CREB5: variants seen among roughly 807,000 people sequenced by gnomAD.
The protein encoded by CREB5 is cAMP responsive element binding protein 5.
Under a neutral mutation model 57.1 loss-of-function variants are expected in CREB5, and 19 were observed. The observed-to-expected ratio is 0.33, with a 90% confidence interval of 0.23 to 0.49. The LOEUF (loss-of-function observed/expected upper bound fraction) is 0.49. Among genes scored for constraint, CREB5 ranks in the 20% least tolerant of loss-of-function variants. CREB5 has a pLI of 0.99. For missense variants in CREB5, 579 were observed against 671.6 expected, an observed-to-expected ratio of 0.86 and a Z score of 1.52; for synonymous variants, 238 against 238.3, an observed-to-expected ratio of 1.00 and a Z score of 0.01.
intron 5 of CREB5, among the ~76,000 whole-genome samples, chr7:28,711,397 T>C (rs1802392516): frequency 6.6e-6 from 1 of 152,212 alleles, no homozygotes; most frequent in South Asian, 2.1e-4. Flanking sequence ...TTTGATGCCT[T>C]TTCTAAGGCT....
chr7:28,796,458 C>T (rs977812404), intron 7 of CREB5, among the ~76,000 whole-genome samples: 10 of 152,220 alleles, frequency 6.6e-5, no homozygotes, highest in Admixed American at 2.0e-4. Context: ...ACTCCTCCCT[C>T]ATCCACAAAA....
At chr7:28,804,969 G>C (rs1808621745) in intron 8 of CREB5, among the ~76,000 whole-genome samples, 1 of 152,188 alleles carries the variant, frequency 6.6e-6, no homozygotes, top group African/African-American at 2.4e-5. Context: ...TAAAATGGAA[G>C]TTAAATACAA....
intron 1 of CREB5, among the ~76,000 whole-genome samples, chr7:28,333,562 T>C (rs1486137631): frequency 1.3e-5 from 2 of 152,186 alleles, no homozygotes; most frequent in Admixed American, 6.5e-5. Context: ...TTTCCTAGCC[T>C]CTGGTAACCA....
At chr7:28,478,470 T>A (rs991641701) in intron 1 of CREB5, among the ~76,000 whole-genome samples, 1 of 152,168 alleles carries the variant, frequency 6.6e-6, no homozygotes, top group Non-Finnish European at 1.5e-5. Context: ...ACTGAGAAGC[T>A]GGTTAAGAGG....
Position 28,412,833 on chromosome 7 carries a change from GA to G in CREB5, c.-80del. On this transcript the variant is annotated 5_prime_UTR_variant, in exon 1 of 11. Transcript: ENST00000357727. Reference sequence around the variant, plus strand: ...TCTTCCTAATCTTGCTGGTGAAACAGAAGTTACTAGAAAGAAAGGAAGAAAA... The same window carrying G: ...TCTTCCTAATCTTGCTGGTGAAACAGAGTTACTAGAAAGAAAGGAAGAAAA... 7.8e-7 allele frequency: 1 copy of G among 1,290,032 alleles called. No homozygotes were observed. Among genetic ancestry groups the G allele is most frequent in the Non-Finnish European group, 1.0e-6 (1 of 958,046 alleles). 79.9% of individuals were successfully genotyped at this position (1,290,032 alleles called of 1,614,324 possible).
intron 5 of CREB5, among the ~76,000 whole-genome samples, chr7:28,664,102 T>A (rs1799718047): frequency 6.6e-6 from 1 of 152,214 alleles, no homozygotes; most frequent in Admixed American, 6.5e-5. Context: ...GTCCCAGGAC[T>A]TCAATTAGGA....
At chr7:28,639,411 GA>G (rs1362479035) in intron 5 of CREB5, among the ~76,000 whole-genome samples, 1 of 152,198 alleles carries the variant, frequency 6.6e-6, no homozygotes, top group East Asian at 1.9e-4. Flanking sequence ...CTAAGAAATA[GA>G]AACAGGAATA....
intron 4 of CREB5, among the ~76,000 whole-genome samples, chr7:28,535,661 A>C (rs1445434147): frequency 6.6e-6 from 1 of 152,082 alleles, no homozygotes; most frequent in Non-Finnish European, 1.5e-5. Context: ...GAAGGAAGAG[A>C]AAAGAGAAAG....
At chr7:28,486,424 T>C (rs1791546316) in intron 1 of CREB5, among the ~76,000 whole-genome samples, 1 of 151,544 alleles carries the variant, frequency 6.6e-6, no homozygotes, top group Admixed American at 6.6e-5. Flanking sequence ...AACTTCCTAT[T>C]TCAGGGTCCA....
intron 3 of CREB5, among the ~76,000 whole-genome samples, chr7:28,495,363 G>GA (rs1791989452): frequency 6.6e-6 from 1 of 151,942 alleles, no homozygotes; most frequent in Non-Finnish European, 1.5e-5. Flanking sequence ...TCAACATGGT[G>GA]AAACCCCATC....
chr7:28,413,173 A>G (rs1161459602), intron 1 of CREB5, among the ~76,000 whole-genome samples: 2 of 151,856 alleles, frequency 1.3e-5, no homozygotes, highest in Non-Finnish European at 2.9e-5. Flanking sequence ...AAGCATATGA[A>G]CTACAGTGGG....
chr7:28,661,726 CT>C (rs1799619579), intron 5 of CREB5, among the ~76,000 whole-genome samples: 1 of 152,142 alleles, frequency 6.6e-6, no homozygotes, highest in South Asian at 2.1e-4. Flanking sequence ...CATTCTGACT[CT>C]AGGTTTACAG....
At chr7:28,309,949 A>G (rs1383624421) in intron 1 of CREB5, among the ~76,000 whole-genome samples, 1 of 147,400 alleles carries the variant, frequency 6.8e-6, no homozygotes, top group African/African-American at 2.5e-5. Flanking sequence ...GAGGCTCAAA[A>G]CAAGGGCTAA....
chr7:28,392,956 C>T (rs1787252364), intron 1 of CREB5, among the ~76,000 whole-genome samples: 1 of 151,488 alleles, frequency 6.6e-6, no homozygotes, highest in African/African-American at 2.4e-5. Context: ...CAGAGTTTCG[C>T]TCTTGTTGCC....
chr7:28,415,449 C>G (rs761302005), intron 1 of CREB5, among the ~76,000 whole-genome samples: 21 of 152,182 alleles, frequency 1.4e-4, no homozygotes, highest in Non-Finnish European at 2.1e-4. Flanking sequence ...TCACTCTTTT[C>G]AAGCCTTTTG....
Position 28,360,038 on chromosome 7 carries a change from C to T in CREB5, c.-25+60597C>T, listed in dbSNP as rs554245014. ...GCCACCATGAGGTATCATCTCATAC[C>T]GGTCAGAATGACTATTCTCAAAAGA... On this transcript the variant is annotated intron_variant, in intron 1 of 9. Transcript: ENST00000396299. Among the ~76,000 whole-genome samples the T allele has an allele frequency of 2.3e-3, 353 of 152,162 alleles. 1 individual carries two copies. Among genetic ancestry groups the T allele is most frequent in the Non-Finnish European group, 2.9e-3 (198 of 68,036 alleles).
intron 1 of CREB5, among the ~76,000 whole-genome samples, chr7:28,318,596 C>T (rs539929963): frequency 1.3e-4 from 20 of 152,314 alleles, no homozygotes; most frequent in Non-Finnish European, 2.2e-4. Context: ...GCCTCACTCT[C>T]AGGGTTGCCT....
At chr7:28,421,106 G>T (rs191666145) in intron 1 of CREB5, among the ~76,000 whole-genome samples, 50 of 152,162 alleles carry the variant, frequency 3.3e-4, no homozygotes, top group African/African-American at 1.2e-3. Flanking sequence ...ACTGTACATT[G>T]CACCCACTAG....
chr7:28,666,284 C>G (rs1419212640), intron 5 of CREB5, among the ~76,000 whole-genome samples: 2 of 152,124 alleles, frequency 1.3e-5, no homozygotes, highest in Non-Finnish European at 2.9e-5. Context: ...GTATATGACT[C>G]AATATCCCCA....
Sources: gnomAD v4.1 joint callset for allele counts (sites outside exome capture counted in the v4.1 genomes callset) on GRCh38, gnomAD v4.1.1 for gene constraint, MANE v1.5 for transcripts, NCBI Gene and HGNC (gene_info 2026-07-23, HGNC 2026-07-21) for gene names.